The following DNAI2 variants were observed in gnomAD, a reference collection of about 807,000 sequenced individuals.
The protein encoded by DNAI2 is dynein, axonemal, intermediate polypeptide 2.
Under a neutral mutation model 74.7 loss-of-function variants are expected in DNAI2, and 63 were observed. The ratio of observed to expected loss-of-function variants is 0.84; its 90% CI spans 0.69 to 1.04. The LOEUF is 1.04. DNAI2 is among the 50% of genes least tolerant of loss of function. DNAI2 has a pLI of 0.00. For missense variants in DNAI2, 688 were observed against 803.2 expected, an observed-to-expected ratio of 0.86 and a Z score of 1.73; for synonymous variants, 289 against 314.9, an observed-to-expected ratio of 0.92 and a Z score of 0.87.
chr17:74,297,159 C>T (rs1005834045), intron 6 of DNAI2, among the ~76,000 whole-genome samples: 1 of 152,128 alleles, frequency 6.6e-6, no homozygotes, highest in Non-Finnish European at 1.5e-5. Context: ...GATCTTGGCT[C>T]ACTGCAAGCT....
chr17:74,306,907 C>T (rs1345569494), intron 9 of DNAI2, among the ~76,000 whole-genome samples: 1 of 152,242 alleles, frequency 6.6e-6, no homozygotes, highest in South Asian at 2.1e-4. Context: ...CATGAGCCAC[C>T]GTGCCTGGTG....
At chr17:74,293,755 T>C (rs566442902) in intron 6 of DNAI2, among the ~76,000 whole-genome samples, 17 of 150,704 alleles carry the variant, frequency 1.1e-4, no homozygotes, top group South Asian at 8.5e-4. Context: ...GTAGATTACA[T>C]GTAGCTGGCA....
At chr17:74,307,541 C>T (rs1485531198) in intron 9 of DNAI2, among the ~76,000 whole-genome samples, 3 of 150,152 alleles carry the variant, frequency 2.0e-5, no homozygotes, top group Non-Finnish European at 4.4e-5. Context: ...TGGTGGCTAA[C>T]GCCTGTAATC....
At chr17:74,293,368 T>G (rs546671853) in intron 6 of DNAI2, among the ~76,000 whole-genome samples, 4 of 152,280 alleles carry the variant, frequency 2.6e-5, no homozygotes, top group African/African-American at 9.6e-5. Context: ...AATTGTTAAG[T>G]TTTCCTAGTG....
chr17:74,290,003 T>C lies in DNAI2; in HGVS notation c.610+267T>C, dbSNP rs187132495. 7.1e-3 allele frequency among the ~76,000 whole-genome samples: 1,084 copies of C among 152,040 alleles called. 9 individuals carry two copies. Among genetic ancestry groups the C allele is most frequent in the Middle Eastern group, 0.048 (14 of 294 alleles). On this transcript the variant is annotated intron_variant, in intron 5 of 13. Coordinates refer to ENST00000311014, the MANE Select transcript of DNAI2 (RefSeq NM_023036.6). ...GGCATGAAGACCTGACCCCATGGGATCTCAATTCTTAGCTCCTAAGGAGCA... is the reference window on the plus strand; with the variant it reads ...GGCATGAAGACCTGACCCCATGGGACCTCAATTCTTAGCTCCTAAGGAGCA...
chr17:74,314,034 TG>T lies in DNAI2; in HGVS notation c.1723-85del, dbSNP rs1366414323. 13 of 1,603,262 alleles carry T rather than the reference TG, an allele frequency of 8.1e-6. No homozygotes were observed. In the Admixed American group the frequency reaches 2.0e-4, roughly 25 times the overall value. ...CCAGGCTTCAGCCATTTGGCTGCTT[TG>T]GTCCTCGTGGGGTTCACATCCCAGG... On this transcript the variant is annotated intron_variant, in intron 12 of 13. Coordinates refer to ENST00000311014, the MANE Select transcript of DNAI2 (RefSeq NM_023036.6).
At chr17:74,298,057 A>T (rs1267652952) in intron 6 of DNAI2, among the ~76,000 whole-genome samples, 2 of 152,156 alleles carry the variant, frequency 1.3e-5, no homozygotes, top group Non-Finnish European at 2.9e-5. Context: ...CTGCCAAACT[A>T]TCTGGGTGCC....
chr17:74,276,880 G>A (rs1003114959), intron 1 of DNAI2, among the ~76,000 whole-genome samples: 2 of 152,200 alleles, frequency 1.3e-5, no homozygotes, highest in African/African-American at 4.8e-5. Context: ...CCTGAGTCCT[G>A]CAGCCCCATG....
chr17:74,289,744 G>A lies in DNAI2; in HGVS notation c.610+8G>A. 4 of 1,613,868 alleles carry A rather than the reference G, an allele frequency of 2.5e-6. No individual in the cohort carries two copies. Among genetic ancestry groups the A allele is most frequent in the Non-Finnish European group, 2.5e-6 (3 of 1,179,988 alleles). ...CATACATCTGGGACCTGGGTGAGAA[G>A]CAGCGGGGTCCTGGTGGCCTGGGAG... On this transcript the variant is annotated splice_region_variant and intron_variant, in intron 5 of 13. Transcript: ENST00000311014.
At chr17:74,281,420 G>A (rs531865537) in intron 1 of DNAI2, 14 of 417,984 alleles carry the variant, frequency 3.3e-5, no homozygotes, top group African/African-American at 1.4e-4. Flanking sequence ...CACCATGCCC[G>A]GCTAATTTTT....
intron 2 of DNAI2, 34 bp downstream of exon 2, chr17:74,282,034 G>A: frequency 6.2e-7 from 1 of 1,612,972 alleles, no homozygotes; most frequent in Non-Finnish European, 8.5e-7. Context: ...TGGCCTGTCA[G>A]GTGTGGCCAG....
At chr17:74,314,386 C>A in intron 13 of DNAI2, 115 bp downstream of exon 13, 1 of 1,342,948 alleles carries the variant, frequency 7.4e-7, no homozygotes, top group South Asian at 1.2e-5. Context: ...CTAGCCCCCA[C>A]TGACTCACTG....
Position 74,281,841 on chromosome 17 carries a change from C to T in DNAI2, c.24C>T (p.Val8=). ...CCATGGAGATTGTGTACGTGTACGT[C>T]AAGAAGCGCAGCGAGTTCGGGAAGC... MEIVYVY[V]KKRSEFGKQC... Residue 8 remains valine, a synonymous_variant, in exon 2 of 14, where the codon GTC becomes GTT. Coordinates refer to ENST00000311014, the MANE Select transcript of DNAI2 (RefSeq NM_023036.6). The T allele has an allele frequency of 1.9e-6, 3 of 1,614,034 alleles. No individual in the cohort carries two copies. The highest frequency in any genetic ancestry group is 2.5e-6 in the Non-Finnish European group (3 of 1,180,016).
At chr17:74,294,502 G>T (rs569850626) in intron 6 of DNAI2, among the ~76,000 whole-genome samples, 58 of 151,992 alleles carry the variant, frequency 3.8e-4, no homozygotes, top group African/African-American at 1.4e-3. Context: ...TTTTTGTAGA[G>T]ATAGGGTCTT....
At position 74,314,585 on chromosome 17, in the gene DNAI2, G is replaced by A. The variant is rs2053722461; in HGVS notation, c.*56-4G>A. 5 of 306,198 alleles carry A rather than the reference G, an allele frequency of 1.6e-5. No homozygotes were observed. Among genetic ancestry groups the A allele is most frequent in the Non-Finnish European group, 3.3e-5 (5 of 153,354 alleles). The allele number at this position is 306,198 out of a possible 1,614,324, so 19.0% of individuals were successfully genotyped here. A position where few individuals can be genotyped will look rare whatever the true frequency, so the allele number is the denominator to read the frequency against. On this transcript the variant is annotated splice_polypyrimidine_tract_variant and splice_region_variant and intron_variant, in intron 13 of 13. Transcript: ENST00000311014. ...AGCAATCATTTTCGTTTGTAACCTTGCAGACCCTCAACCAGACTTGCATGG... is the reference window on the plus strand; with the variant it reads ...AGCAATCATTTTCGTTTGTAACCTTACAGACCCTCAACCAGACTTGCATGG...
chr17:74,302,370 C>A (rs2052908603), intron 8 of DNAI2, among the ~76,000 whole-genome samples: 2 of 152,142 alleles, frequency 1.3e-5, no homozygotes, highest in Admixed American at 1.3e-4. Context: ...GAGTTCGAGG[C>A]CAGCCTGACC....
chr17:74,285,691 T>G (rs1055331526), intron 3 of DNAI2, among the ~76,000 whole-genome samples: 9 of 152,120 alleles, frequency 5.9e-5, no homozygotes, highest in Non-Finnish European at 1.3e-4. Flanking sequence ...TGCAGTCCAT[T>G]GGAGGTCAAA....
At chr17:74,287,874 G>A (rs2143928254) in intron 4 of DNAI2, among the ~76,000 whole-genome samples, 1 of 151,576 alleles carries the variant, frequency 6.6e-6, no homozygotes, top group South Asian at 2.1e-4. Context: ...AGAATCACTT[G>A]AACCTGGGAG....
chr17:74,295,077 T>C (rs1161682546), intron 6 of DNAI2, among the ~76,000 whole-genome samples: 3 of 152,138 alleles, frequency 2.0e-5, no homozygotes, highest in Non-Finnish European at 4.4e-5. Flanking sequence ...CCAGAATTTC[T>C]ATTTTGTTCT....
Sources: allele counts gnomAD v4.1 joint callset (sites outside exome capture counted in the v4.1 genomes callset), GRCh38; gene constraint gnomAD v4.1.1; transcripts MANE v1.5; gene names NCBI Gene and HGNC (gene_info 2026-07-23, HGNC 2026-07-21).